The following PHF12 variants were observed in gnomAD, a reference collection of about 807,000 sequenced individuals.
PHF12 encodes the protein PHD factor 1.
Under a neutral mutation model 99.8 loss-of-function variants are expected in PHF12, and 6 were observed. The observed-to-expected ratio is 0.06, with a 90% CI of 0.03 to 0.12. PHF12 has a LOEUF of 0.12. PHF12 is among the 10% of genes least tolerant of loss of function. The pLI is 1.00. For missense variants in PHF12, 954 were observed against 1,300.1 expected, an observed-to-expected ratio of 0.73 and a Z score of 4.09; for synonymous variants, 480 against 514.9, an observed-to-expected ratio of 0.93 and a Z score of 0.92.
chr17:28,929,066 A>C (rs1233452686), intron 2 of PHF12, among the ~76,000 whole-genome samples: 4 of 151,582 alleles, frequency 2.6e-5, no homozygotes, highest in African/African-American at 9.7e-5. Flanking sequence ...ACTGCACTCC[A>C]GCCTGGGCGA....
chr17:28,920,789 C>T (rs1269807733), intron 5 of PHF12, among the ~76,000 whole-genome samples: 1 of 152,194 alleles, frequency 6.6e-6, no homozygotes, highest in Non-Finnish European at 1.5e-5. Context: ...TCTTGATCTC[C>T]TGACCTCATG....
At chr17:28,919,650 G>A (rs536342920) in intron 5 of PHF12, among the ~76,000 whole-genome samples, 36 of 152,316 alleles carry the variant, frequency 2.4e-4, no homozygotes, top group African/African-American at 8.4e-4. Context: ...TGAGGCAGGA[G>A]AATTGCTTGA....
chr17:28,908,689 C>A (rs898890268), intron 12 of PHF12, 94 bp downstream of exon 12: 1 of 1,245,776 alleles, frequency 8.0e-7, no homozygotes, highest in African/African-American at 1.5e-5. Context: ...CTGGAAAGGG[C>A]TTCCCTCACC....
In PHF12 at chr17:28,905,496, C is replaced by A. The variant is rs925902156; in HGVS notation, c.*687G>T. On this transcript the variant is annotated 3_prime_UTR_variant, in exon 15 of 15. Transcript: ENST00000332830. ...GCTCTACCACATGTAGTACTGTACA[C>A]GGTTTTTAAAAACATTGAAAAAATG... The A allele has an allele frequency of 6.6e-6, 1 of 152,374 alleles. No individual in the cohort carries two copies. Among genetic ancestry groups the A allele is most frequent in the Non-Finnish European group, 1.5e-5 (1 of 68,034 alleles). 9.4% of individuals were successfully genotyped at this position (152,374 alleles called of 1,614,324 possible).
At chr17:28,939,893 T>G (rs2040582199) in intron 2 of PHF12, among the ~76,000 whole-genome samples, 1 of 152,206 alleles carries the variant, frequency 6.6e-6, no homozygotes, top group Non-Finnish European at 1.5e-5. Context: ...ATTCAAACCC[T>G]GCAGAGAGTC....
chr17:28,950,303 GCCCC>G lies in PHF12; in HGVS notation c.67-61_67-58del. Reference sequence around the variant, plus strand: ...ACTCGGAGCTCCCGGGCGGTCCGTCGCCCCCCCGGCGCGGTTTCTCCGTCACCCA... The same window carrying G: ...ACTCGGAGCTCCCGGGCGGTCCGTCGCCCGGCGCGGTTTCTCCGTCACCCA... On this transcript the variant is annotated intron_variant, in intron 1 of 14. Coordinates refer to ENST00000332830, the MANE Select transcript of PHF12 (RefSeq NM_001033561.2). This position sits in a 1 kb window ranked among gnomAD's most constrained non-coding sequence, Gnocchi z 5.7. 6.6e-7 allele frequency: 1 copy of G among 1,520,686 alleles called. No homozygotes were observed. The highest frequency in any genetic ancestry group is 8.8e-7 in the Non-Finnish European group (1 of 1,133,662). 94.2% of individuals were successfully genotyped at this position (1,520,686 alleles called of 1,614,324 possible). A position where few individuals can be genotyped will look rare whatever the true frequency, so the allele number is the denominator to read the frequency against.
intron 5 of PHF12, among the ~76,000 whole-genome samples, chr17:28,920,320 C>T (rs1184242029): frequency 6.6e-6 from 1 of 152,158 alleles, no homozygotes; most frequent in Non-Finnish European, 1.5e-5. Flanking sequence ...GACCATAATA[C>T]AGTCCTTCTA....
At chr17:28,930,750 G>C (rs1410172197) in intron 2 of PHF12, among the ~76,000 whole-genome samples, 2 of 152,122 alleles carry the variant, frequency 1.3e-5, no homozygotes, top group Non-Finnish European at 2.9e-5. Context: ...GTTTCTAAAG[G>C]ATCACTTTTA....
At chr17:28,908,686 G>C in intron 12 of PHF12, 97 bp downstream of exon 12, 2 of 1,200,984 alleles carry the variant, frequency 1.7e-6, no homozygotes, top group Non-Finnish European at 2.4e-6. Flanking sequence ...ACTCTGGAAA[G>C]GGCTTCCCTC....
At chr17:28,940,996 C>T (rs184667015) in intron 2 of PHF12, among the ~76,000 whole-genome samples, 1 of 151,680 alleles carries the variant, frequency 6.6e-6, no homozygotes, top group African/African-American at 2.4e-5. Context: ...CTCCCTGGGG[C>T]CTCTAAGTCA....
At chr17:28,943,602 C>A (rs951456114) in intron 2 of PHF12, among the ~76,000 whole-genome samples, 12 of 152,074 alleles carry the variant, frequency 7.9e-5, no homozygotes, top group African/African-American at 2.9e-4. Context: ...TGCATTTCAG[C>A]CTAGGCAACG....
intron 2 of PHF12, among the ~76,000 whole-genome samples, chr17:28,938,045 C>G (rs1282265372): frequency 6.6e-6 from 1 of 152,128 alleles, no homozygotes; most frequent in Non-Finnish European, 1.5e-5. Flanking sequence ...GGGTACTATT[C>G]TATTGCCAAA....
At chr17:28,945,752 T>G (rs1184869450) in intron 2 of PHF12, among the ~76,000 whole-genome samples, 13 of 152,212 alleles carry the variant, frequency 8.5e-5, no homozygotes, top group Admixed American at 8.5e-4. Context: ...ACAGATTTTT[T>G]GGGATCAGTC....
intron 12 of PHF12, 84 bp downstream of exon 12, chr17:28,908,699 C>A: frequency 1.4e-6 from 2 of 1,379,330 alleles, no homozygotes; most frequent in South Asian, 2.4e-5. Flanking sequence ...CTTCCCTCAC[C>A]CCTTTCTAAC....
chr17:28,908,905 G>C (rs1283755233), intron 11 of PHF12, 24 bp from the exon 12 acceptor site: 1 of 1,592,694 alleles, frequency 6.3e-7, no homozygotes, highest in Admixed American at 1.7e-5. Flanking sequence ...ATAGGAATAG[G>C]ATCATTCAGA....
chr17:28,921,831 T>A, intron 4 of PHF12, 23 bp from the exon 5 acceptor site: 1 of 1,612,884 alleles, frequency 6.2e-7, no homozygotes, highest in East Asian at 2.2e-5. Context: ...ATGATGGTGC[T>A]GAGCTATCCC....
chr17:28,911,452 G>A, intron 9 of PHF12: 1 of 578,114 alleles, frequency 1.7e-6, no homozygotes, highest in East Asian at 3.2e-5. Flanking sequence ...AGTCTCCAGA[G>A]CACTGAGAAC....
chr17:28,919,241 A>G lies in PHF12; in HGVS notation c.871T>C (p.Tyr291His). ...CRVAPLIQCD[Y>H]CPLLFHMDCL... ...TCCATGTGAAACAGGAGAGGGCAATAGTCACACTGGATGAGAGGAGCCACA... is the reference window on the plus strand; with the variant it reads ...TCCATGTGAAACAGGAGAGGGCAATGGTCACACTGGATGAGAGGAGCCACA... Residue 291 changes from tyrosine to histidine, a missense_variant, in exon 6 of 15, where the codon TAT becomes CAT. By Grantham distance (83) the Tyr-to-His change is moderately conservative. Around this residue, in one of 8 missense-constraint regions of PHF12, gnomAD observed 85 missense variants for 196.6 expected, o/e 0.43. Coordinates refer to ENST00000332830, the MANE Select transcript of PHF12 (RefSeq NM_001033561.2). The G allele has an allele frequency of 6.2e-7, 1 of 1,614,224 alleles. No homozygotes were observed. The highest frequency in any genetic ancestry group is 8.5e-7 in the Non-Finnish European group (1 of 1,180,028).
rs193177139 is a variant in PHF12 at position 28,939,314 on chromosome 17, C to G, written c.248+10751G>C. On this transcript the variant is annotated intron_variant, in intron 2 of 14. Coordinates refer to ENST00000332830, the MANE Select transcript of PHF12 (RefSeq NM_001033561.2). ...AACTCTCTCTACATTTTAGATGATG[C>G]TTTTGCAAAAAATGGCAAATAAGAT... 1.7e-3 allele frequency among the ~76,000 whole-genome samples: 262 copies of G among 152,300 alleles called. 1 individual carries two copies. The highest frequency in any genetic ancestry group is 6.1e-3 in the African/African-American group (255 of 41,552).
Sources: gnomAD v4.1 joint callset for allele counts (sites outside exome capture counted in the v4.1 genomes callset) on GRCh38, gnomAD v4.1.1 for gene constraint, gnomAD v4.1.1 regional missense constraint, Gnocchi (gnomAD v3.1) non-coding constraint, MANE v1.5 for transcripts, NCBI Gene and HGNC (gene_info 2026-07-23, HGNC 2026-07-21) for gene names.